Variants in CHMP4B observed in about 807,000 individuals in gnomAD.
CHMP4B encodes the protein SNF7 homolog associated with Alix 1.
A neutral mutation model predicts 25.1 loss-of-function variants in CHMP4B; 1 was observed. That is an observed-to-expected ratio of 0.04 (90% CI 0.01 to 0.19). The LOEUF (loss-of-function observed/expected upper bound fraction) is 0.19, where lower values mean the gene tolerates loss of function less well. Among genes scored for constraint, CHMP4B ranks in the 10% least tolerant of loss-of-function variants. CHMP4B has a pLI of 1.00. For missense variants in CHMP4B, 151 were observed against 289.7 expected (o/e 0.52, Z 3.48); for synonymous variants, 101 against 115.6 (o/e 0.87, Z 0.81).
At chr20:33,840,981 T>A (rs1184707617) in intron 1 of CHMP4B, among the ~76,000 whole-genome samples, 2 of 152,238 alleles carry the variant, frequency 1.3e-5, no homozygotes, top group Non-Finnish European at 2.9e-5. Flanking sequence ...TGTAACTTGA[T>A]GTGATCCAGC....
intron 1 of CHMP4B, among the ~76,000 whole-genome samples, chr20:33,823,765 G>A (rs1030753906): frequency 1.3e-5 from 2 of 152,126 alleles, no homozygotes; most frequent in African/African-American, 4.8e-5. Context: ...GGCTGGTCTC[G>A]AACTCCTGAC....
chr20:33,829,050 G>A (rs1979170952), intron 1 of CHMP4B, among the ~76,000 whole-genome samples: 1 of 152,228 alleles, frequency 6.6e-6, no homozygotes, highest in South Asian at 2.1e-4. Flanking sequence ...CACAGTGCTA[G>A]GTATTGCTGG....
At chr20:33,819,839 G>A (rs1193842101) in intron 1 of CHMP4B, among the ~76,000 whole-genome samples, 1 of 152,144 alleles carries the variant, frequency 6.6e-6, no homozygotes, top group African/African-American at 2.4e-5. Context: ...TCTGCTCAAA[G>A]TGTGGGCTAT....
At chr20:33,845,010 T>C (rs1374869306) in intron 1 of CHMP4B, among the ~76,000 whole-genome samples, 1 of 152,062 alleles carries the variant, frequency 6.6e-6, no homozygotes, top group African/African-American at 2.4e-5. Flanking sequence ...CCACCCGCCT[T>C]GGCCCCCCAA....
Position 33,834,252 on chromosome 20 carries a change from C to T in CHMP4B, c.191-14215C>T, listed in dbSNP as rs537652002. Reference sequence around the variant, plus strand: ...TCTTTTTTGTCTTTTATTGATTTTTCACTTCGATCTTTATTCCCTTTCTTC... The same window carrying T: ...TCTTTTTTGTCTTTTATTGATTTTTTACTTCGATCTTTATTCCCTTTCTTC... On this transcript the variant is annotated intron_variant, in intron 1 of 4. Coordinates refer to ENST00000217402, the MANE Select transcript of CHMP4B (RefSeq NM_176812.5). Among the ~76,000 whole-genome samples the T allele has an allele frequency of 7.9e-5, 12 of 152,106 alleles. No homozygotes were observed. The South Asian group carries it at 2.1e-3, about 26-fold the overall frequency.
intron 1 of CHMP4B, among the ~76,000 whole-genome samples, chr20:33,828,595 T>C (rs1979157399): frequency 6.6e-6 from 1 of 152,194 alleles, no homozygotes; most frequent in Non-Finnish European, 1.5e-5. Context: ...GTGACCAGGC[T>C]GAACAAGGCA....
At chr20:33,820,218 G>A (rs1434426714) in intron 1 of CHMP4B, among the ~76,000 whole-genome samples, 3 of 151,922 alleles carry the variant, frequency 2.0e-5, no homozygotes, top group Non-Finnish European at 2.9e-5. Flanking sequence ...TGGACTCTTA[G>A]GCCCCATCCT....
At chr20:33,831,012 C>G (rs1601321776) in intron 1 of CHMP4B, among the ~76,000 whole-genome samples, 1 of 142,368 alleles carries the variant, frequency 7.0e-6, no homozygotes, top group African/African-American at 2.6e-5. Context: ...ATGAAAATGG[C>G]TCATTGCAGC....
chr20:33,843,277 G>A (rs1218127926), intron 1 of CHMP4B, among the ~76,000 whole-genome samples: 1 of 152,172 alleles, frequency 6.6e-6, no homozygotes, highest in African/African-American at 2.4e-5. Context: ...ATTAGATTCT[G>A]TAATTGCTGC....
chr20:33,811,718 G>A lies in CHMP4B; in HGVS notation c.190+60G>A, dbSNP rs1601312868. 46 of 1,541,946 alleles carry A rather than the reference G, an allele frequency of 3.0e-5. 1 individual carries two copies. In the South Asian group the frequency reaches 5.2e-4, roughly 17 times the overall value. ...GCTCCCCCCAGGCTCCCCGGGCCCG[G>A]ACTTCACCTTCATCAGACTCGCCTC... On this transcript the variant is annotated intron_variant, in intron 1 of 4. Transcript: ENST00000217402.
Position 33,853,555 on chromosome 20 carries a change from A to G in CHMP4B, c.670A>G (p.Met224Val). The change falls in exon 5 of 5, where the codon ATG becomes GTG. Residue 224 changes from methionine (M) to valine (V), a missense_variant. By Grantham distance (21) the Met-to-Val change is conservative. Around this residue, in one of 3 missense-constraint regions of CHMP4B, gnomAD observed 41 missense variants for 50.9 expected, o/e 0.81. Coordinates refer to ENST00000217402, the MANE Select transcript of CHMP4B (RefSeq NM_176812.5). ...MKELENWAGS[M>V] ...GGAATTGGAGAACTGGGCTGGATCC[A>G]TGTAATGGGGTCCAGCGCTGGCTGG... The G allele has an allele frequency of 6.2e-7, 1 of 1,613,560 alleles. No homozygotes were observed. Among genetic ancestry groups the G allele is most frequent in the Non-Finnish European group, 8.5e-7 (1 of 1,179,664 alleles).
chr20:33,838,989 C>G (rs1039170208), intron 1 of CHMP4B, among the ~76,000 whole-genome samples: 1 of 151,712 alleles, frequency 6.6e-6, no homozygotes, highest in Non-Finnish European at 1.5e-5. Context: ...CTGGAATAAT[C>G]TGCTGCTTAC....
chr20:33,847,286 G>GTT (rs11398003), intron 1 of CHMP4B, among the ~76,000 whole-genome samples: 47 of 147,762 alleles, frequency 3.2e-4, no homozygotes, highest in African/African-American at 9.2e-4. Context: ...TAGATGTACT[G>GTT]TTTTTTTTTT....
intron 1 of CHMP4B, among the ~76,000 whole-genome samples, chr20:33,815,717 T>A (rs1334004142): frequency 6.6e-6 from 1 of 152,170 alleles, no homozygotes; most frequent in Admixed American, 6.5e-5. Flanking sequence ...AAAAACAATC[T>A]TGTGGGTAAG....
At chr20:33,836,842 G>A (rs960605310) in intron 1 of CHMP4B, among the ~76,000 whole-genome samples, 8 of 152,164 alleles carry the variant, frequency 5.3e-5, no homozygotes, top group Admixed American at 3.9e-4. Context: ...TTGGATCACT[G>A]TCCTTTTTTG....
chr20:33,822,912 A>C (rs1158114156), intron 1 of CHMP4B, among the ~76,000 whole-genome samples: 2 of 151,904 alleles, frequency 1.3e-5, no homozygotes, highest in Non-Finnish European at 1.5e-5. Flanking sequence ...CTCCTGCCTC[A>C]GCCTCCTGAG....
Position 33,853,856 on chromosome 20 carries a change from A to G in CHMP4B, c.*296A>G, listed in dbSNP as rs765492016. On this transcript the variant is annotated 3_prime_UTR_variant, in exon 5 of 5. Transcript: ENST00000217402. ...AACATTGAGCTTCTGGACTACGCTG[A>G]CTCCACTGCTGAATCCTCAATGGAA... 3.6e-4 allele frequency: 173 copies of G among 480,282 alleles called. No individual in the cohort carries two copies. Among genetic ancestry groups the G allele is most frequent in the Non-Finnish European group, 6.0e-4 (156 of 261,588 alleles). 29.8% of individuals were successfully genotyped at this position (480,282 alleles called of 1,614,324 possible). A position where few individuals can be genotyped will look rare whatever the true frequency, so the allele number is the denominator to read the frequency against.
chr20:33,849,482 C>A (rs1353169685), intron 2 of CHMP4B, among the ~76,000 whole-genome samples: 1 of 152,146 alleles, frequency 6.6e-6, no homozygotes, highest in African/African-American at 2.4e-5. Flanking sequence ...CGCCTGTAAT[C>A]CCAGCTACTG....
At chr20:33,835,042 C>T (rs576093054) in intron 1 of CHMP4B, among the ~76,000 whole-genome samples, 10 of 152,234 alleles carry the variant, frequency 6.6e-5, no homozygotes, top group African/African-American at 1.4e-4. Flanking sequence ...GGGATCCGCC[C>T]GCCTCGGCCT....
Sources: allele counts gnomAD v4.1 joint callset (sites outside exome capture counted in the v4.1 genomes callset), GRCh38; gene constraint gnomAD v4.1.1; regional missense constraint gnomAD v4.1.1; transcripts MANE v1.5; gene names NCBI Gene and HGNC (gene_info 2026-07-23, HGNC 2026-07-21).